PRPF8: variants seen among roughly 807,000 people sequenced by gnomAD.
PRPF8 encodes pre-mRNA-processing-splicing factor 8.
Under a neutral mutation model 285.9 loss-of-function variants are expected in PRPF8, and 64 were observed. That is an observed-to-expected ratio of 0.22 (90% CI 0.18 to 0.28). The LOEUF is 0.28. Among genes scored for constraint, PRPF8 ranks in the 10% least tolerant of loss-of-function variants. The pLI is 1.00. For missense variants in PRPF8, 1,426 were observed against 3,026.7 expected, an observed-to-expected ratio of 0.47 and a Z score of 12.41; for synonymous variants, 1,325 against 1,118.2, an observed-to-expected ratio of 1.18 and a Z score of -3.69.
At chr17:1,684,638 G>C in intron 1 of PRPF8, 56 bp from the exon 2 acceptor site, 1 of 1,552,082 alleles carries the variant, frequency 6.4e-7, no homozygotes, top group Non-Finnish European at 8.8e-7. Context: ...CCCACAAGAA[G>C]CGCAGCAGAA....
chr17:1,655,711 C>G (rs1018937619), intron 36 of PRPF8, among the ~76,000 whole-genome samples, 168 bp from the exon 37 acceptor site: 9 of 151,694 alleles, frequency 5.9e-5, no homozygotes, highest in Admixed American at 2.0e-4. Flanking sequence ...ACTGCAAGCT[C>G]CGCCTCCCAG....
At chr17:1,655,105 G>GC (rs1386766091) in intron 37 of PRPF8, 1 of 475,720 alleles carries the variant, frequency 2.1e-6, no homozygotes, top group East Asian at 4.1e-5. Context: ...TTACAGGTAG[G>GC]CGCCATCGCA....
rs1219778143 is a variant in PRPF8 at position 1,659,646 on chromosome 17, C to A, written c.4947-98G>T. 6.8e-7 allele frequency: 1 copy of A among 1,475,134 alleles called. No individual in the cohort carries two copies. The highest frequency in any genetic ancestry group is 1.4e-5 in the African/African-American group (1 of 72,168). The allele number at this position is 1,475,134 out of a possible 1,614,324, so 91.4% of individuals were successfully genotyped here. The stretch of plus-strand genomic sequence containing the variant: ...AAATCCCAAAACCATCCCACCCACT[C>A]CACCAACTTGTTCCAGGTCAGCAGG... On this transcript the variant is annotated intron_variant, in intron 31 of 42. Coordinates refer to ENST00000304992, the MANE Select transcript of PRPF8 (RefSeq NM_006445.4). The surrounding 1 kb of genome is among the most constrained non-coding windows in gnomAD (Gnocchi z 5.1).
rs973440488 is a variant in PRPF8, at chr17:1,673,473, C to A, written c.3541G>T (p.Asp1181Tyr). ...ENSFVSVYSKDNPNLLFNMCG... is the reference protein window; with the variant it reads ...ENSFVSVYSKYNPNLLFNMCG... Reference sequence around the variant, plus strand: ...ATGTTGAACAGCAGGTTGGGGTTGTCCTTACTGTACACAGACACGAAGCTG... The same window carrying A: ...ATGTTGAACAGCAGGTTGGGGTTGTACTTACTGTACACAGACACGAAGCTG... Residue 1181 changes from aspartate (D) to tyrosine (Y), a missense_variant, in exon 23 of 43, where the codon GAC (aspartate) becomes TAC (tyrosine). By Grantham distance (160) the Asp-to-Tyr change is radical. Transcript: ENST00000304992. The surrounding 1 kb of genome is among the most constrained non-coding windows in gnomAD (Gnocchi z 5.5). 1.2e-6 allele frequency: 2 copies of A among 1,614,034 alleles called. No individual in the cohort carries two copies. Among genetic ancestry groups the A allele is most frequent in the African/African-American group, 1.3e-5 (1 of 74,918 alleles).
At position 1,651,500 on chromosome 17, in the gene PRPF8, T is replaced by C; in HGVS notation, c.6564A>G (p.Leu2188=). 6.2e-7 allele frequency: 1 copy of C among 1,614,142 alleles called. No homozygotes were observed. Among genetic ancestry groups the C allele is most frequent in the Admixed American group, 1.7e-5 (1 of 60,020 alleles). ...CATGGGTGGTGACATCCTGGGGTGATAACTGCGGGGACTCATTGGGCTGAG... is the reference window on the plus strand; with the variant it reads ...CATGGGTGGTGACATCCTGGGGTGACAACTGCGGGGACTCATTGGGCTGAG... ...IHTQPNESPQ[L]SPQDVTTHAK... is the part of the protein sequence containing the mutation. Residue 2188 remains leucine (L), a synonymous_variant, in exon 41 of 43, where the codon TTA becomes TTG. Transcript: ENST00000304992. This position sits in a 1 kb window ranked among gnomAD's most constrained non-coding sequence, Gnocchi z 5.1.
chr17:1,655,018 GCA>G, intron 37 of PRPF8: 1 of 327,714 alleles, frequency 3.1e-6, no homozygotes, highest in Non-Finnish European at 5.9e-6. Flanking sequence ...GAGTGCAGTG[GCA>G]TGATCTCGGC....
At chr17:1,652,797 A>G (rs1597225439) in intron 39 of PRPF8, 1 of 141,654 alleles carries the variant, frequency 7.1e-6, no homozygotes, top group Non-Finnish European at 1.5e-5. Context: ...AGATCTGCCC[A>G]CCTCGGCCTC....
Position 1,676,144 on chromosome 17 carries a change from T to TA in PRPF8, c.2552+62_2552+63insT. 1.2e-6 allele frequency: 2 copies of TA among 1,612,040 alleles called. No homozygotes were observed. Among genetic ancestry groups the TA allele is most frequent in the Non-Finnish European group, 1.7e-6 (2 of 1,179,752 alleles). On this transcript the variant is annotated intron_variant, in intron 17 of 42. Coordinates refer to ENST00000304992, the MANE Select transcript of PRPF8 (RefSeq NM_006445.4). This position sits in a 1 kb window ranked among gnomAD's most constrained non-coding sequence, Gnocchi z 6.3. ...GGCTACACCTTCTTTCTTTGGACTC[T>TA]GAGGATGACGCCATTCCCTGCTGTC... is the stretch of plus-strand genomic sequence containing the variant.
chr17:1,659,026 T>C lies in PRPF8; in HGVS notation c.5139-263A>G. 5.9e-6 allele frequency: 3 copies of C among 506,836 alleles called. No homozygotes were observed. Among genetic ancestry groups the C allele is most frequent in the Admixed American group, 7.1e-5 (2 of 27,982 alleles). The allele number at this position is 506,836 out of a possible 1,614,324, so 31.4% of individuals were successfully genotyped here. ...ACACGGATTATTTATTTATTTATTA[T>C]TATTATTATTTTTCTTTGAGATGGA... On this transcript the variant is annotated intron_variant, in intron 32 of 42. Coordinates refer to ENST00000304992, the MANE Select transcript of PRPF8 (RefSeq NM_006445.4). The surrounding 1 kb of genome is among the most constrained non-coding windows in gnomAD (Gnocchi z 5.1).
Position 1,679,615 on chromosome 17 carries a change from T to A in PRPF8, c.1283A>T (p.Lys428Met). 6.2e-7 allele frequency: 1 copy of A among 1,613,496 alleles called. No individual in the cohort carries two copies. The highest frequency in any genetic ancestry group is 8.5e-7 in the Non-Finnish European group (1 of 1,179,982). ...CCACAGGGAAAAACCTTACCAGTTC[T>A]TGACAAGGGGTATGTCCAGGGCCCG... ...TRRALDIPLVKNWYREHCPAG... is the reference protein window; with the variant it reads ...TRRALDIPLVMNWYREHCPAG... The change falls in exon 9 of 43, where the codon AAG becomes ATG. Residue 428 changes from lysine to methionine, a missense_variant. Lys to Met is a moderately conservative substitution (Grantham distance 95). This residue lies in a region of PRPF8 where 137 missense variants were observed against 161.2 expected (regional missense o/e 0.85). Coordinates refer to ENST00000304992, the MANE Select transcript of PRPF8 (RefSeq NM_006445.4). This position sits in a 1 kb window ranked among gnomAD's most constrained non-coding sequence, Gnocchi z 4.7.
At chr17:1,677,371 A>G in intron 14 of PRPF8, 194 bp downstream of exon 14, 1 of 975,744 alleles carries the variant, frequency 1.0e-6, no homozygotes, top group South Asian at 1.4e-5. Flanking sequence ...CACTCCTGCA[A>G]ATGCATGACT....
rs1240290612 is a variant in PRPF8 at position 1,654,143 on chromosome 17, TGCTTCTACAGGAA to T, written c.5988-140_5988-128del. 3 of 1,400,650 alleles carry T rather than the reference TGCTTCTACAGGAA, an allele frequency of 2.1e-6. No homozygotes were observed. In the African/African-American group the frequency reaches 4.2e-5, roughly 20 times the overall value. The allele number at this position is 1,400,650 out of a possible 1,614,324, so 86.8% of individuals were successfully genotyped here. A position where few individuals can be genotyped will look rare whatever the true frequency, so the allele number is the denominator to read the frequency against. ...CACGCCCCAGACAATCCACAAGAGC[TGCTTCTACAGGAA>T]GTGTGAAACGGAGGTGCACTAACAC... On this transcript the variant is annotated intron_variant, in intron 37 of 42. Transcript: ENST00000304992.
At chr17:1,682,406 T>G (rs1414644698) in intron 3 of PRPF8, 113 bp from the exon 4 acceptor site, 74 of 1,395,698 alleles carry the variant, frequency 5.3e-5, no homozygotes, top group Non-Finnish European at 6.9e-5. Context: ...CAATCCAAAC[T>G]CCCAAACTTA....
chr17:1,658,786 A>G lies in PRPF8; in HGVS notation c.5139-23T>C. 6.2e-7 allele frequency: 1 copy of G among 1,605,584 alleles called. No individual in the cohort carries two copies. The highest frequency in any genetic ancestry group is 8.5e-7 in the Non-Finnish European group (1 of 1,172,190). On this transcript the variant is annotated intron_variant, in intron 32 of 42. Coordinates refer to ENST00000304992, the MANE Select transcript of PRPF8 (RefSeq NM_006445.4). The surrounding 1 kb of genome is among the most constrained non-coding windows in gnomAD (Gnocchi z 4.1). ...GCACTGTGAGGATAAAAGGGTCAAG[A>G]AAAGTTAAGACGAGAATGACAGCCC...
Position 1,674,779 on chromosome 17 carries a change from T to C in PRPF8, c.3061-99A>G, listed in dbSNP as rs926099981. On this transcript the variant is annotated intron_variant, in intron 20 of 42. Coordinates refer to ENST00000304992, the MANE Select transcript of PRPF8 (RefSeq NM_006445.4). ...TCTCCCCTCAGCAAATTCTACTTTTTTCCACTCCCGAGGCGGAGTTGTGCT... is the reference window on the plus strand; with the variant it reads ...TCTCCCCTCAGCAAATTCTACTTTTCTCCACTCCCGAGGCGGAGTTGTGCT... 1.2e-5 allele frequency: 15 copies of C among 1,295,950 alleles called. No homozygotes were observed. In the Admixed American group the frequency reaches 1.2e-4, roughly 10 times the overall value. 80.3% of individuals were successfully genotyped at this position (1,295,950 alleles called of 1,614,324 possible). A position where few individuals can be genotyped will look rare whatever the true frequency, so the allele number is the denominator to read the frequency against.
rs1310535831 is a variant in PRPF8, at chr17:1,677,293, C to T, written c.1985-121G>A. 3.6e-6 allele frequency: 4 copies of T among 1,120,028 alleles called. No homozygotes were observed. The African/African-American group carries it at 6.1e-5, about 17-fold the overall frequency. 69.4% of individuals were successfully genotyped at this position (1,120,028 alleles called of 1,614,324 possible). On this transcript the variant is annotated intron_variant, in intron 14 of 42. Transcript: ENST00000304992. ...TAAAATTAGGTATTAACAAAGCGTC[C>T]CTGTGCCCAGCATATGCAAAAAGAC...
intron 14 of PRPF8, 126 bp downstream of exon 14, chr17:1,677,439 C>T: frequency 2.1e-6 from 3 of 1,419,170 alleles, no homozygotes; most frequent in Admixed American, 1.7e-5. Flanking sequence ...AGACTCATTT[C>T]AGAACTGGAC....
rs765818317 is a variant in PRPF8, at chr17:1,674,648, G to A, written c.3093C>T (p.Ile1031=). Residue 1031 remains isoleucine (I), a synonymous_variant, in exon 21 of 43, where the codon ATC becomes ATT. Transcript: ENST00000304992. The stretch of plus-strand genomic sequence containing the variant: ...TGAATGAGGCAAACTGCAGGCCTCT[G>A]ATGATCCCATATGAATTCGTATGGT... ...DMNHTNSYGI[I]RGLQFASFIV... 3 of 1,614,040 alleles carry A rather than the reference G, an allele frequency of 1.9e-6. No individual in the cohort carries two copies. The highest frequency in any genetic ancestry group is 1.7e-5 in the Admixed American group (1 of 60,016).
At chr17:1,660,123 A>G in intron 30 of PRPF8, 122 bp from the exon 31 acceptor site, 1 of 1,257,242 alleles carries the variant, frequency 8.0e-7, no homozygotes, top group Non-Finnish European at 1.2e-6. Flanking sequence ...TGGATTTCCC[A>G]TATGCAAAAG....
Sources: allele counts gnomAD v4.1 joint callset (sites outside exome capture counted in the v4.1 genomes callset), GRCh38; gene constraint gnomAD v4.1.1; regional missense constraint gnomAD v4.1.1; non-coding constraint Gnocchi (gnomAD v3.1); transcripts MANE v1.5; gene names NCBI Gene and HGNC (gene_info 2026-07-23, HGNC 2026-07-21).